SEC22B: variants seen among roughly 807,000 people sequenced by gnomAD.
The protein encoded by SEC22B is vesicle-trafficking protein SEC22b.
SEC22B carries 10 observed loss-of-function variants against 31.4 expected under a neutral mutation model. The observed-to-expected ratio is 0.32, with a 90% confidence interval of 0.20 to 0.54. The LOEUF (loss-of-function observed/expected upper bound fraction) is 0.54, where lower values mean the gene tolerates loss of function less well. Ranked by LOEUF, SEC22B falls within the 20% of genes least tolerant of loss-of-function variation. The pLI, the probability that SEC22B is intolerant of heterozygous loss-of-function variation, is 0.94. For synonymous variants in SEC22B, 60 were observed against 95.9 expected, an observed-to-expected ratio of 0.63 and a Z score of 2.19; for missense variants, 130 against 263.4, an observed-to-expected ratio of 0.49 and a Z score of 3.50.
intron 3 of SEC22B, among the ~76,000 whole-genome samples, chr1:120,160,754 C>A (rs1489146305): frequency 6.6e-6 from 1 of 151,966 alleles, no homozygotes; most frequent in Admixed American, 6.5e-5. Context: ...CCAGGCGTGG[C>A]GGCACACGCC....
At chr1:120,161,839 TA>T in intron 3 of SEC22B, among the ~76,000 whole-genome samples, 1 of 150,476 alleles carries the variant, frequency 6.6e-6, no homozygotes, top group East Asian at 1.9e-4. Flanking sequence ...AAGTGTGCTG[TA>T]CCCCTTTCAT....
chr1:120,167,015 C>T (rs1402249862), intron 2 of SEC22B, among the ~76,000 whole-genome samples: 1 of 145,700 alleles, frequency 6.9e-6, no homozygotes, highest in African/African-American at 2.7e-5. Context: ...TTCTATGTGG[C>T]TCCTGAGGCA....
chr1:120,175,852 T>C (rs1218145687), intron 1 of SEC22B, among the ~76,000 whole-genome samples: 1 of 152,218 alleles, frequency 6.6e-6, no homozygotes, highest in Admixed American at 6.5e-5. Context: ...GGTGCTTTTA[T>C]GTGGCAATAT....
At chr1:120,167,355 G>T (rs1351983417) in intron 2 of SEC22B, among the ~76,000 whole-genome samples, 1 of 151,918 alleles carries the variant, frequency 6.6e-6, no homozygotes, top group African/African-American at 2.4e-5. Context: ...TCTCCAACAT[G>T]CTAGGTTCTT....
At chr1:120,164,378 G>A (rs1285948584) in intron 2 of SEC22B, among the ~76,000 whole-genome samples, 11 of 144,602 alleles carry the variant, frequency 7.6e-5, no homozygotes, top group African/African-American at 2.3e-4. Flanking sequence ...AAACAATCCC[G>A]TCACCCAAGT....
rs1553228739 is a variant in SEC22B, at chr1:120,151,707, C to T, written c.*5331G>A. 1 of 151,662 alleles carries T rather than the reference C, an allele frequency of 6.6e-6. No homozygotes were observed. The highest frequency in any genetic ancestry group is 3.4e-3 in the Middle Eastern group (1 of 294). The allele number at this position is 151,662 out of a possible 1,614,324, so 9.4% of individuals were successfully genotyped here. Reference sequence around the variant, plus strand: ...TATCCATGGTATTATCATGGTAGTACTGACTAAAAGAGGGACATGTGTAAC... The same window carrying T: ...TATCCATGGTATTATCATGGTAGTATTGACTAAAAGAGGGACATGTGTAAC... On this transcript the variant is annotated 3_prime_UTR_variant, in exon 5 of 5. Transcript: ENST00000578049.
chr1:120,163,760 G>A (rs1256741269), intron 2 of SEC22B, among the ~76,000 whole-genome samples: 3,444 of 151,088 alleles, frequency 0.023, 88 homozygotes, highest in African/African-American at 0.081. Context: ...ATTTTTAGTA[G>A]AGACGGGGTT....
intron 3 of SEC22B, among the ~76,000 whole-genome samples, chr1:120,160,883 C>A (rs1308707717): frequency 1.7e-3 from 256 of 146,380 alleles, no homozygotes; most frequent in Admixed American, 2.6e-3. Context: ...CAGAGCAAGA[C>A]TCTGTCTCAA....
At chr1:120,161,776 A>T (rs1657722436) in intron 3 of SEC22B, among the ~76,000 whole-genome samples, 1 of 152,014 alleles carries the variant, frequency 6.6e-6, no homozygotes. Context: ...AAACTATAGG[A>T]AGAATGACTT....
At chr1:120,170,876 T>C (rs1393361469) in intron 1 of SEC22B, among the ~76,000 whole-genome samples, 1 of 140,684 alleles carries the variant, frequency 7.1e-6, no homozygotes, top group Non-Finnish European at 1.5e-5. Context: ...AATCTTTTTG[T>C]TTCCCCAGTG....
chr1:120,174,560 A>G (rs1657931586), intron 1 of SEC22B, among the ~76,000 whole-genome samples: 2 of 152,080 alleles, frequency 1.3e-5, no homozygotes, highest in Non-Finnish European at 2.9e-5. Context: ...CAATAAATCA[A>G]TTAATTTTTC....
At chr1:120,170,493 T>C (rs1168457231) in intron 1 of SEC22B, among the ~76,000 whole-genome samples, 6 of 149,800 alleles carry the variant, frequency 4.0e-5, no homozygotes, top group Non-Finnish European at 8.8e-5. Flanking sequence ...GTAAAAATGG[T>C]GAACTGGAAA....
chr1:120,168,650 A>ACTGT (rs1219988825), intron 2 of SEC22B, among the ~76,000 whole-genome samples, 190 bp downstream of exon 2: 1 of 150,672 alleles, frequency 6.6e-6, no homozygotes, highest in African/African-American at 2.5e-5. Context: ...TTAACAGGTT[A>ACTGT]AATTACTGTA....
Position 120,155,992 on chromosome 1 carries a change from AAACTTT to A in SEC22B, c.*1040_*1045del, listed in dbSNP as rs1351667365. On this transcript the variant is annotated 3_prime_UTR_variant, in exon 5 of 5. Transcript: ENST00000578049. Reference sequence around the variant, plus strand: ...AGTAGTTTGAGTAGTTGATCTGCAAAAACTTTAACTTTAATTAACTACATAGATGAA... The same window carrying A: ...AGTAGTTTGAGTAGTTGATCTGCAAAAACTTTAATTAACTACATAGATGAA... The A allele has an allele frequency of 4.6e-5, 7 of 152,152 alleles. No individual in the cohort carries two copies. Among genetic ancestry groups the A allele is most frequent in the African/African-American group, 1.7e-4 (7 of 41,450 alleles). The allele number at this position is 152,152 out of a possible 1,614,324, so 9.4% of individuals were successfully genotyped here.
intron 1 of SEC22B, among the ~76,000 whole-genome samples, chr1:120,171,809 G>A (rs1208161273): frequency 2.1e-5 from 3 of 140,906 alleles, no homozygotes; most frequent in Non-Finnish European, 4.4e-5. Context: ...TTAACATTTT[G>A]GTCATTTTGC....
At chr1:120,160,129 T>C (rs1301165042) in intron 4 of SEC22B, among the ~76,000 whole-genome samples, 2 of 148,658 alleles carry the variant, frequency 1.3e-5, no homozygotes, top group Non-Finnish European at 3.0e-5. Flanking sequence ...TATAATTTAA[T>C]TAATTTTGTG....
Position 120,160,405 on chromosome 1 carries a change from G to T in SEC22B, c.472C>A (p.Gln158Lys). 4 of 1,612,008 alleles carry T rather than the reference G, an allele frequency of 2.5e-6. No homozygotes were observed. The highest frequency in any genetic ancestry group is 1.1e-5 in the South Asian group (1 of 90,634). Residue 158 changes from glutamine to lysine, a missense_variant, in exon 4 of 5, where the codon CAA becomes AAA. By Grantham distance (53) the Gln-to-Lys change is moderately conservative (BLOSUM62 1). Around this residue, in one of 4 missense-constraint regions of SEC22B, gnomAD observed 53 missense variants for 63.3 expected, o/e 0.84. Transcript: ENST00000578049. Reference protein sequence around the residue: ...IMVANIEEVLQRGEALSALDS... With the variant: ...IMVANIEEVLKRGEALSALDS... ...ATACCTGAGAGTGCTTCTCCTCGTT[G>T]TAACACTTCTTCAATATTGGCCACC...
chr1:120,165,778 A>G (rs1295572879), intron 2 of SEC22B, among the ~76,000 whole-genome samples: 37,824 of 150,476 alleles, frequency 0.25, 8,260 homozygotes, highest in African/African-American at 0.6. Context: ...ATGTCCTGAA[A>G]CATTTCCCCT....
rs1657697747 is a variant in SEC22B at position 120,160,477 on chromosome 1, T to A, written c.400A>T (p.Asn134Tyr). Reference protein sequence around the residue: ...KLYIDSRARRNLGSINTELQD... With the variant: ...KLYIDSRARRYLGSINTELQD... Reference sequence around the variant, plus strand: ...AATTCAGTGTTGATGGAGCCTAGATTTCTTCGAGCACGACTGTCAATGTAG... The same window carrying A: ...AATTCAGTGTTGATGGAGCCTAGATATCTTCGAGCACGACTGTCAATGTAG... The change falls in exon 4 of 5, where the codon AAT becomes TAT. Residue 134 changes from asparagine to tyrosine, a missense_variant. Around this residue, in one of 4 missense-constraint regions of SEC22B, gnomAD observed 53 missense variants for 63.3 expected, o/e 0.84. Coordinates refer to ENST00000578049, the MANE Select transcript of SEC22B (RefSeq NM_004892.6). The A allele has an allele frequency of 6.2e-7, 1 of 1,610,264 alleles. No homozygotes were observed. Among genetic ancestry groups the A allele is most frequent in the Admixed American group, 1.7e-5 (1 of 59,578 alleles).
Sources: allele counts gnomAD v4.1 joint callset (sites outside exome capture counted in the v4.1 genomes callset), GRCh38; gene constraint gnomAD v4.1.1; regional missense constraint gnomAD v4.1.1; transcripts MANE v1.5; gene names NCBI Gene and HGNC (gene_info 2026-07-23, HGNC 2026-07-21).